ERLIN1: variants seen among roughly 807,000 people sequenced by gnomAD.
ERLIN1 encodes the protein erlin-1.
A neutral mutation model predicts 46.9 loss-of-function variants in ERLIN1; 24 were observed. That is an observed-to-expected ratio of 0.51 (90% CI 0.37 to 0.72). ERLIN1 has a LOEUF of 0.72. Among genes scored for constraint, ERLIN1 ranks in the 30% least tolerant of loss-of-function variants. The pLI, the probability that ERLIN1 is intolerant of heterozygous loss-of-function variation, is 0.00. For synonymous variants in ERLIN1, 158 were observed against 143.2 expected, an observed-to-expected ratio of 1.10 and a Z score of -0.74; for missense variants, 293 against 417.9, an observed-to-expected ratio of 0.70 and a Z score of 2.61.
Position 100,167,394 on chromosome 10 carries a change from T to A in ERLIN1, c.517A>T (p.Thr173Ser). The A allele has an allele frequency of 6.2e-7, 1 of 1,613,350 alleles. No homozygotes were observed. Among genetic ancestry groups the A allele is most frequent in the Non-Finnish European group, 8.5e-7 (1 of 1,179,502 alleles). The change falls in exon 7 of 11, where the codon ACA (threonine) becomes TCA (serine). Residue 173 changes from threonine to serine, a missense_variant. Thr to Ser is a moderately conservative substitution (Grantham distance 58). This residue lies in a region of ERLIN1 where 148 missense variants were observed against 266.5 expected (regional missense o/e 0.56). Transcript: ENST00000421367. The part of the protein sequence containing the change: ...PGLTIQAVRV[T>S]KPKIPEAIRR... ...ATGGCTTCTGGGATTTTGGGTTTTGTAACACGCACAGCCTAAAAAATAAAA... is the reference window on the plus strand; with the variant it reads ...ATGGCTTCTGGGATTTTGGGTTTTGAAACACGCACAGCCTAAAAAATAAAA...
rs200127883 is a variant in ERLIN1 at position 100,165,089 on chromosome 10, GCTA to G, written c.564-997_564-995del. ...GCATATTACTAAGCATGTACAAGTAGCTACTGGGTAACCACGTGGCAGAAATGG... is the reference window on the plus strand; with the variant it reads ...GCATATTACTAAGCATGTACAAGTAGCTGGGTAACCACGTGGCAGAAATGG... On this transcript the variant is annotated intron_variant, in intron 7 of 10. Coordinates refer to ENST00000421367, the MANE Select transcript of ERLIN1 (RefSeq NM_006459.4). Among the ~76,000 whole-genome samples, 382 of 152,272 alleles carry G rather than the reference GCTA, an allele frequency of 2.5e-3. 3 individuals are homozygous for G. The East Asian group carries it at 0.038, about 15-fold the overall frequency.
At chr10:100,181,888 T>C (rs920732900) in intron 2 of ERLIN1, among the ~76,000 whole-genome samples, 5 of 152,220 alleles carry the variant, frequency 3.3e-5, no homozygotes, top group African/African-American at 1.2e-4. Context: ...ATAAAGAACA[T>C]TCCTATTTAG....
Position 100,150,327 on chromosome 10 carries a change from C to T in ERLIN1, c.*1804G>A, listed in dbSNP as rs1407471172. On this transcript the variant is annotated 3_prime_UTR_variant, in exon 11 of 11. Transcript: ENST00000421367. ...CTGTTCCTCAGCCCCGCCTCCAGGGCCATCACTTTGGGGCAACAGCTTTTG... is the reference window on the plus strand; with the variant it reads ...CTGTTCCTCAGCCCCGCCTCCAGGGTCATCACTTTGGGGCAACAGCTTTTG... 6.6e-6 allele frequency: 1 copy of T among 152,568 alleles called. No individual in the cohort carries two copies. Among genetic ancestry groups the T allele is most frequent in the Non-Finnish European group, 1.5e-5 (1 of 68,032 alleles). 9.5% of individuals were successfully genotyped at this position (152,568 alleles called of 1,614,324 possible).
At chr10:100,178,028 T>C (rs1844410590) in intron 4 of ERLIN1, 105 bp downstream of exon 4, 1 of 743,586 alleles carries the variant, frequency 1.3e-6, no homozygotes, top group Non-Finnish European at 2.3e-6. Context: ...CAGTGATCAA[T>C]GAAGTCATAA....
intron 1 of ERLIN1, among the ~76,000 whole-genome samples, chr10:100,184,258 GAAGTA>G (rs1414301484): frequency 6.6e-5 from 10 of 152,164 alleles, no homozygotes; most frequent in African/African-American, 2.2e-4. Context: ...TGCAAACTTT[GAAGTA>G]AAGAGAAAAT....
At chr10:100,158,966 TAA>T (rs1843213985) in intron 8 of ERLIN1, among the ~76,000 whole-genome samples, 1 of 152,034 alleles carries the variant, frequency 6.6e-6, no homozygotes, top group African/African-American at 2.4e-5. Flanking sequence ...ACAATAAATA[TAA>T]AAAGACTAAA....
intron 8 of ERLIN1, among the ~76,000 whole-genome samples, chr10:100,160,228 A>T (rs550626298): frequency 6.6e-6 from 1 of 152,322 alleles, no homozygotes; most frequent in South Asian, 2.1e-4. Flanking sequence ...TCAATACAGG[A>T]ATTAAATCAA....
At chr10:100,185,081 T>C (rs1277203229) in intron 1 of ERLIN1, among the ~76,000 whole-genome samples, 1 of 150,866 alleles carries the variant, frequency 6.6e-6, no homozygotes, top group Non-Finnish European at 1.5e-5. Context: ...ACAGTCATCA[T>C]GGTGTTACAA....
intron 10 of ERLIN1, among the ~76,000 whole-genome samples, chr10:100,154,424 G>C (rs1488022674): frequency 6.6e-6 from 1 of 152,150 alleles, no homozygotes; most frequent in Admixed American, 6.5e-5. Flanking sequence ...ACAAGGGCCA[G>C]GGATACAAAA....
chr10:100,169,647 ACAG>A, intron 6 of ERLIN1, among the ~76,000 whole-genome samples: 1 of 152,250 alleles, frequency 6.6e-6, no homozygotes, highest in South Asian at 2.1e-4. Context: ...TACATATTGA[ACAG>A]CATTAAAATT....
At chr10:100,182,190 A>G (rs1844695926) in intron 2 of ERLIN1, among the ~76,000 whole-genome samples, 1 of 127,128 alleles carries the variant, frequency 7.9e-6, no homozygotes, top group Admixed American at 8.0e-5. Flanking sequence ...TAGAGCCTTG[A>G]TTTTTTTTTT....
intron 4 of ERLIN1, among the ~76,000 whole-genome samples, chr10:100,176,565 A>T (rs1314523025): frequency 7.6e-6 from 1 of 131,006 alleles, no homozygotes; most frequent in Non-Finnish European, 1.5e-5. Context: ...GACCGTTTTT[A>T]AAAAGGCAAT....
At chr10:100,174,708 T>C (rs1159029581) in intron 5 of ERLIN1, among the ~76,000 whole-genome samples, 1 of 152,222 alleles carries the variant, frequency 6.6e-6, no homozygotes, top group Non-Finnish European at 1.5e-5. Flanking sequence ...CAAATTTCTA[T>C]GTTCAGTAAA....
Position 100,185,734 on chromosome 10 carries a change from A to T in ERLIN1, c.-108T>A, listed in dbSNP as rs1844933279. On this transcript the variant is annotated 5_prime_UTR_variant, in exon 1 of 11. Coordinates refer to ENST00000421367, the MANE Select transcript of ERLIN1 (RefSeq NM_006459.4). ...CTCCGGAAACTTGGCGCTCTCTCGC[A>T]GGCTGAGCCGGGGAGTCCAGTACCC... 1.1e-6 allele frequency: 1 copy of T among 882,784 alleles called. No individual in the cohort carries two copies. The highest frequency in any genetic ancestry group is 1.9e-6 in the Non-Finnish European group (1 of 535,314). The allele number at this position is 882,784 out of a possible 1,614,324, so 54.7% of individuals were successfully genotyped here.
intron 6 of ERLIN1, among the ~76,000 whole-genome samples, chr10:100,172,405 C>T (rs1006236783): frequency 2.6e-5 from 4 of 152,122 alleles, no homozygotes; most frequent in African/African-American, 9.7e-5. Context: ...TCATCATTTT[C>T]CTAGTATCTA....
At chr10:100,158,023 G>A (rs991247371) in intron 8 of ERLIN1, among the ~76,000 whole-genome samples, 2 of 152,200 alleles carry the variant, frequency 1.3e-5, no homozygotes, top group African/African-American at 4.8e-5. Flanking sequence ...AGTAACTTAA[G>A]CCAAGGGGGA....
chr10:100,167,280 C>T lies in ERLIN1; in HGVS notation c.563+68G>A, dbSNP rs1197395622. ...GAGTGTATTGTCTCACATGTTTCCT[C>T]TAGACTGGAATATTAATATGCAGAC... On this transcript the variant is annotated intron_variant, in intron 7 of 10. Transcript: ENST00000421367. The T allele has an allele frequency of 8.7e-6, 10 of 1,155,432 alleles. No individual in the cohort carries two copies. The East Asian group carries it at 2.3e-4, about 27-fold the overall frequency. The allele number at this position is 1,155,432 out of a possible 1,614,324, so 71.6% of individuals were successfully genotyped here.
At chr10:100,159,611 T>C (rs1209842086) in intron 8 of ERLIN1, among the ~76,000 whole-genome samples, 1 of 137,504 alleles carries the variant, frequency 7.3e-6, no homozygotes, top group Non-Finnish European at 1.5e-5. Flanking sequence ...AAATCAACAA[T>C]AAAAAGGTAG....
At chr10:100,169,524 C>G (rs889759575) in intron 6 of ERLIN1, among the ~76,000 whole-genome samples, 1 of 150,908 alleles carries the variant, frequency 6.6e-6, no homozygotes, top group Admixed American at 6.6e-5. Flanking sequence ...ATAATAGTGA[C>G]TGTAAAAATA....
Sources: allele counts gnomAD v4.1 joint callset (sites outside exome capture counted in the v4.1 genomes callset), GRCh38; gene constraint gnomAD v4.1.1; regional missense constraint gnomAD v4.1.1; transcripts MANE v1.5; gene names NCBI Gene and HGNC (gene_info 2026-07-23, HGNC 2026-07-21).